The following KLK8 variants were observed in gnomAD, a reference collection of about 807,000 sequenced individuals.
KLK8 encodes kallikrein related peptidase 8.
Under a neutral mutation model 26.7 loss-of-function variants are expected in KLK8, and 18 were observed. The observed-to-expected ratio is 0.67, with a 90% CI of 0.47 to 1.00. The LOEUF (loss-of-function observed/expected upper bound fraction) is 1.00. Ranked by LOEUF, KLK8 falls within the 50% of genes least tolerant of loss-of-function variation. The pLI, the probability that KLK8 is intolerant of heterozygous loss-of-function variation, is 0.00. For missense variants in KLK8, 301 were observed against 331.7 expected, an observed-to-expected ratio of 0.91 and a Z score of 0.72; for synonymous variants, 137 against 127.1, an observed-to-expected ratio of 1.08 and a Z score of -0.52.
chr19:50,999,939 G>A (rs942725507), intron 5 of KLK8, 57 bp downstream of exon 4: 40 of 1,520,452 alleles, frequency 2.6e-5, no homozygotes, highest in Middle Eastern at 2.3e-4. Flanking sequence ...AATAGCTTGG[G>A]TTCCACTGGG....
intron 5 of KLK8, 152 bp downstream of exon 4, chr19:50,999,844 G>C: frequency 3.8e-6 from 3 of 787,946 alleles, no homozygotes; most frequent in Admixed American, 2.9e-5. Context: ...GATCTTCGAG[G>C]CTTCTCATAT....
At chr19:51,000,947 A>G in intron 3 of KLK8, 151 bp downstream of exon 2, 5 of 822,350 alleles carry the variant, frequency 6.1e-6, no homozygotes, top group Non-Finnish European at 9.4e-6. Flanking sequence ...GTCCACCCTG[A>G]GGAAAGCCCA....
At position 50,997,623 on chromosome 19, in the gene KLK8, T is replaced by C. The variant is rs1453958104; in HGVS notation, c.627+128A>G. The C allele has an allele frequency of 3.7e-6, 4 of 1,092,182 alleles. No homozygotes were observed. The South Asian group carries it at 4.5e-5, about 12-fold the overall frequency. The allele number at this position is 1,092,182 out of a possible 1,614,324, so 67.7% of individuals were successfully genotyped here. On this transcript the variant is annotated intron_variant, in intron 6 of 6. Coordinates refer to ENST00000600767, the Ensembl canonical transcript of KLK8. ...GAACCTGGCTCCCAATCCGTAGAGA[T>C]AGGGGTGAACACTCCGGGTGCCAAG...
exon 5 of KLK8, chr19:51,000,170 G>C (rs757597384): frequency 6.2e-7 from 1 of 1,613,234 alleles, no homozygotes; most frequent in Non-Finnish European, 8.5e-7. Context: ...TTGTAGCAGG[G>C]GTGTGGGATG....
At chr19:51,001,065 C>G in intron 3 of KLK8, 33 bp downstream of exon 2, 5 of 1,587,332 alleles carry the variant, frequency 3.1e-6, no homozygotes, top group Non-Finnish European at 4.3e-6. Flanking sequence ...CTTCAGATCC[C>G]TCCCCTCCGG....
exon 5 of KLK8, chr19:51,000,157 C>A (rs1181264188): frequency 6.2e-7 from 1 of 1,613,644 alleles, no homozygotes; most frequent in Non-Finnish European, 8.5e-7. Flanking sequence ...CACATCGCTG[C>A]TGTTGTAGCA....
At chr19:50,999,889 T>C (rs2091205011) in intron 5 of KLK8, 107 bp downstream of exon 4, 2 of 1,192,284 alleles carry the variant, frequency 1.7e-6, no homozygotes, top group Non-Finnish European at 2.3e-6. Context: ...TCATGATCAC[T>C]TTCCCTTCTT....
chr19:50,997,862 G>A (rs1021437816), exon 6 of KLK8: 2 of 1,614,176 alleles, frequency 1.2e-6, no homozygotes, highest in East Asian at 2.2e-5. Flanking sequence ...CTTCTGCACA[G>A]TTGAGAGTGT....
intron 6 of KLK8, among the ~76,000 whole-genome samples, chr19:50,996,915 CACACACACACACACACACACA>C (rs1397248573): frequency 3.3e-5 from 5 of 151,308 alleles, no homozygotes; most frequent in Non-Finnish European, 7.4e-5. Flanking sequence ...CACACACACA[CACACACACACACACACACACA>C]CACCATATCC....
At chr19:51,000,358 G>A in intron 4 of KLK8, 66 bp downstream of exon 3, 19 of 1,545,418 alleles carry the variant, frequency 1.2e-5, no homozygotes, top group Non-Finnish European at 1.7e-5. Flanking sequence ...TCTCCTTCCT[G>A]AGTCGAAACC....
At chr19:50,999,560 T>G (rs576899531) in intron 5 of KLK8, among the ~76,000 whole-genome samples, 1 of 113,514 alleles carries the variant, frequency 8.8e-6, no homozygotes, top group Non-Finnish European at 1.6e-5. Context: ...GCCTGGGCGA[T>G]TGAGTGAAAC....
At chr19:50,999,598 A>AGAAAAAAG (rs2091201241) in intron 5 of KLK8, among the ~76,000 whole-genome samples, 1 of 103,578 alleles carries the variant, frequency 9.7e-6, no homozygotes, top group African/African-American at 5.4e-5. Flanking sequence ...AAAAAAAAAA[A>AGAAAAAAG]AAAAAAAAAA....
chr19:50,997,731 G>T lies in KLK8; in HGVS notation c.627+20C>A. ...GGCAATGAGGGATGTGTGAGGAGAA[G>T]GATTTCAGAAATTGCTCACCTGGCA... On this transcript the variant is annotated intron_variant, in intron 6 of 6. Coordinates refer to ENST00000600767, the Ensembl canonical transcript of KLK8. The T allele has an allele frequency of 1.2e-6, 2 of 1,613,406 alleles. No individual in the cohort carries two copies. Among genetic ancestry groups the T allele is most frequent in the Non-Finnish European group, 1.7e-6 (2 of 1,179,876 alleles).
At chr19:51,000,366 A>G in intron 4 of KLK8, 58 bp downstream of exon 3, 1 of 1,550,346 alleles carries the variant, frequency 6.5e-7, no homozygotes, top group Non-Finnish European at 8.7e-7. Flanking sequence ...CTGAGTCGAA[A>G]CCCCAGCCCC....
chr19:50,996,017 A>G (rs1336357990), exon 7 of KLK8: 1 of 1,601,920 alleles, frequency 6.2e-7, no homozygotes, highest in Non-Finnish European at 8.5e-7. Flanking sequence ...GGAACCAGAG[A>G]GTTGTGAGTT....
In KLK8 at chr19:50,999,984, C is replaced by T. The variant is rs1405526431; in HGVS notation, c.493+12G>A. On this transcript the variant is annotated intron_variant, in intron 5 of 6. Transcript: ENST00000600767. ...TCCTCCTCTCCCTCCCATTAGTGGA[C>T]AAGCCCACTACCTCGGGGACTGGTG... The T allele has an allele frequency of 3.8e-6, 6 of 1,579,472 alleles. No individual in the cohort carries two copies. The highest frequency in any genetic ancestry group is 4.5e-5 in the East Asian group (2 of 44,128).
intron 3 of KLK8, 40 bp from the exon 3 acceptor site, chr19:51,000,623 GGCA>G (rs1202602227): frequency 6.2e-7 from 1 of 1,608,696 alleles, no homozygotes; most frequent in Non-Finnish European, 8.5e-7. Flanking sequence ...CACCCTCTGG[GGCA>G]GTGCGAGGGC....
At chr19:50,999,949 G>A in intron 5 of KLK8, 47 bp downstream of exon 4, 1 of 1,545,154 alleles carries the variant, frequency 6.5e-7, no homozygotes, top group Non-Finnish European at 8.8e-7. Context: ...GTTCCACTGG[G>A]CCAACCAGCT....
chr19:51,000,338 T>C, intron 4 of KLK8, 80 bp from the exon 4 acceptor site: 2 of 1,538,934 alleles, frequency 1.3e-6, no homozygotes, highest in Non-Finnish European at 1.8e-6. Flanking sequence ...AGGAGTCCAG[T>C]CCTCAGCTCT....
Sources: gnomAD v4.1 joint callset for allele counts (sites outside exome capture counted in the v4.1 genomes callset) on GRCh38, gnomAD v4.1.1 for gene constraint, MANE v1.5 for transcripts, NCBI Gene and HGNC (gene_info 2026-07-23, HGNC 2026-07-21) for gene names.